VAV3: variants seen among roughly 807,000 people sequenced by gnomAD.
VAV3 encodes the protein vav guanine nucleotide exchange factor 3.
In VAV3, 94 loss-of-function variants were observed where a neutral mutation model predicts 131.2. That is an observed-to-expected ratio of 0.72 (90% CI 0.61 to 0.85). VAV3 has a LOEUF of 0.85. Ranked by LOEUF, VAV3 falls within the 40% of genes least tolerant of loss-of-function variation. The pLI, the probability that VAV3 is intolerant of heterozygous loss-of-function variation, is 0.00. For missense variants in VAV3, 939 were observed against 1,002.7 expected (o/e 0.94, Z 0.86); for synonymous variants, 349 against 342.0 (o/e 1.02, Z -0.22).
chr1:107,873,606 C>T (rs551261775), intron 2 of VAV3, among the ~76,000 whole-genome samples: 16 of 152,234 alleles, frequency 1.1e-4, no homozygotes, highest in Admixed American at 3.3e-4. Context: ...CAGACAAATG[C>T]GCTCCCATTT....
chr1:107,637,232 T>C (rs1654996307), intron 20 of VAV3, among the ~76,000 whole-genome samples: 1 of 152,086 alleles, frequency 6.6e-6, no homozygotes, highest in Non-Finnish European at 1.5e-5. Flanking sequence ...TTAGACAAAA[T>C]GGACAAATTC....
chr1:107,746,259 T>C (rs1373254646), intron 15 of VAV3, among the ~76,000 whole-genome samples: 1 of 152,196 alleles, frequency 6.6e-6, no homozygotes, highest in Non-Finnish European at 1.5e-5. Flanking sequence ...TGATGCCTGC[T>C]CAGATTTTAT....
intron 22 of VAV3, 37 bp from the exon 23 acceptor site, chr1:107,603,200 T>C (rs1652002767): frequency 6.6e-7 from 1 of 1,510,320 alleles, no homozygotes; most frequent in East Asian, 2.3e-5. Context: ...TTGGATAATA[T>C]ACCTGGAAGA....
Position 107,765,109 on chromosome 1 carries a change from A to C in VAV3, c.888T>G (p.Ser296=), listed in dbSNP as rs773643787. 17 of 1,613,336 alleles carry C rather than the reference A, an allele frequency of 1.1e-5. No individual in the cohort carries two copies. In the South Asian group the frequency reaches 1.4e-4, roughly 14 times the overall value. ...TCAGTTTGACATCTTCTTTTGTCTTAGAAATGTAGTCTAAACTAGAGATGG... is the reference window on the plus strand; with the variant it reads ...TCAGTTTGACATCTTCTTTTGTCTTCGAAATGTAGTCTAAACTAGAGATGG... The part of the protein sequence containing the change: ...ESAISSLDYI[S]KTKEDVKLKL... Residue 296 remains serine (S), a synonymous_variant, in exon 9 of 27, where the codon TCT becomes TCG. Coordinates refer to ENST00000370056, the MANE Select transcript of VAV3 (RefSeq NM_006113.5).
chr1:107,724,913 G>C (rs528126679), intron 15 of VAV3, among the ~76,000 whole-genome samples: 123 of 151,890 alleles, frequency 8.1e-4, no homozygotes, highest in African/African-American at 2.9e-3. Context: ...ATCTGATCTT[G>C]TTCTGTGGCC....
intron 2 of VAV3, among the ~76,000 whole-genome samples, chr1:107,825,658 C>T (rs534202582): frequency 6.6e-6 from 1 of 152,250 alleles, no homozygotes; most frequent in South Asian, 2.1e-4. Flanking sequence ...TACCCCAATG[C>T]CTCTGCCCAA....
intron 1 of VAV3, among the ~76,000 whole-genome samples, chr1:107,931,730 T>C (rs538067485): frequency 1.4e-4 from 21 of 152,310 alleles, no homozygotes; most frequent in Admixed American, 6.5e-4. Context: ...TGCTCAAAAT[T>C]ACACAGCCAT....
chr1:107,605,609 A>C (rs1478534252), intron 22 of VAV3, among the ~76,000 whole-genome samples: 1 of 152,190 alleles, frequency 6.6e-6, no homozygotes, highest in Non-Finnish European at 1.5e-5. Flanking sequence ...AAATTCAGAA[A>C]CCTCCAAAAT....
rs1649272695 is a variant in VAV3, at chr1:107,571,705, C to T, written c.*1626G>A. On this transcript the variant is annotated 3_prime_UTR_variant, in exon 27 of 27. Transcript: ENST00000370056. The stretch of plus-strand genomic sequence containing the variant: ...AAATACATTTTTGTGATCATTTACA[C>T]ATATACAAAGACTTAAATGGTTTTA... 6.6e-6 allele frequency: 1 copy of T among 152,624 alleles called. No individual in the cohort carries two copies. Among genetic ancestry groups the T allele is most frequent in the South Asian group, 2.1e-4 (1 of 4,834 alleles). 9.5% of individuals were successfully genotyped at this position (152,624 alleles called of 1,614,324 possible).
intron 20 of VAV3, among the ~76,000 whole-genome samples, chr1:107,642,194 G>A (rs958971118): frequency 8.5e-5 from 13 of 152,072 alleles, no homozygotes; most frequent in African/African-American, 2.9e-4. Flanking sequence ...TGAGATAGGA[G>A]GTTGGCACAA....
At chr1:107,798,299 TG>T (rs1251174316) in intron 2 of VAV3, among the ~76,000 whole-genome samples, 9 of 152,144 alleles carry the variant, frequency 5.9e-5, no homozygotes, top group African/African-American at 2.2e-4. Flanking sequence ...ACGATGCCTG[TG>T]TAAAAATAGG....
In VAV3 at chr1:107,777,353, C is replaced by T; in HGVS notation, c.381-57G>A. ...AACAAACCCATGAGTGAACGAGCAA[C>T]AATCAGGCTGCGCACTTAACCCTCA... is the stretch of plus-strand genomic sequence containing the variant. On this transcript the variant is annotated intron_variant, in intron 3 of 26. Transcript: ENST00000370056. 5.3e-6 allele frequency: 8 copies of T among 1,507,232 alleles called. No individual in the cohort carries two copies. The South Asian group carries it at 9.0e-5, about 17-fold the overall frequency. The allele number at this position is 1,507,232 out of a possible 1,614,324, so 93.4% of individuals were successfully genotyped here. A position where few individuals can be genotyped will look rare whatever the true frequency, so the allele number is the denominator to read the frequency against.
At chr1:107,606,418 T>C (rs1652271019) in intron 22 of VAV3, among the ~76,000 whole-genome samples, 1 of 152,196 alleles carries the variant, frequency 6.6e-6, no homozygotes, top group Admixed American at 6.5e-5. Context: ...TAATGTGTTT[T>C]TTATATTGTC....
chr1:107,615,080 C>T lies in VAV3; in HGVS notation c.1980+2487G>A, dbSNP rs117190923. ...AAGAGTGGTATCAAACTTCAATAATCTTTCAAGACTGTAATGTAATATAAG... is the reference window on the plus strand; with the variant it reads ...AAGAGTGGTATCAAACTTCAATAATTTTTCAAGACTGTAATGTAATATAAG... On this transcript the variant is annotated intron_variant, in intron 21 of 26. Transcript: ENST00000370056. Among the ~76,000 whole-genome samples, 110 of 152,184 alleles carry T rather than the reference C, an allele frequency of 7.2e-4. No individual in the cohort carries two copies. In the East Asian group the frequency reaches 0.018, roughly 25 times the overall value.
chr1:107,854,935 C>T (rs1484357556), intron 2 of VAV3, among the ~76,000 whole-genome samples: 6 of 152,190 alleles, frequency 3.9e-5, no homozygotes, highest in Non-Finnish European at 8.8e-5. Context: ...ATGACTTTCC[C>T]CTACATAGCG....
In VAV3 at chr1:107,571,210, A is replaced by G; in HGVS notation, c.*2121T>C. 6.5e-6 allele frequency: 1 copy of G among 152,706 alleles called. No homozygotes were observed. The highest frequency in any genetic ancestry group is 1.9e-4 in the East Asian group (1 of 5,198). The allele number at this position is 152,706 out of a possible 1,614,324, so 9.5% of individuals were successfully genotyped here. ...TTGACATATTTACAAAATAATACAA[A>G]GTGAAATACCACTCTAATTCACCGT... On this transcript the variant is annotated 3_prime_UTR_variant, in exon 27 of 27. Coordinates refer to ENST00000370056, the MANE Select transcript of VAV3 (RefSeq NM_006113.5).
chr1:107,777,166 G>C, intron 4 of VAV3, 65 bp downstream of exon 4: 1 of 1,449,364 alleles, frequency 6.9e-7, no homozygotes, highest in African/African-American at 1.4e-5. Context: ...AACATCCACA[G>C]TTAAAACCCA....
intron 17 of VAV3, among the ~76,000 whole-genome samples, chr1:107,699,852 G>C (rs1364640281): frequency 1.3e-5 from 2 of 152,118 alleles, no homozygotes; most frequent in Non-Finnish European, 2.9e-5. Context: ...TAGCCAAGGA[G>C]GAGGGTGAGG....
chr1:107,591,205 G>A (rs150560066), intron 25 of VAV3, among the ~76,000 whole-genome samples: 39 of 152,178 alleles, frequency 2.6e-4, no homozygotes, highest in Admixed American at 3.3e-4. Flanking sequence ...GCCCTTCTCT[G>A]ACCCTGAAGG....
Sources: allele counts gnomAD v4.1 joint callset (sites outside exome capture counted in the v4.1 genomes callset), GRCh38; gene constraint gnomAD v4.1.1; transcripts MANE v1.5; gene names NCBI Gene and HGNC (gene_info 2026-07-23, HGNC 2026-07-21).